The following ABRAXAS2 variants were observed in gnomAD, a reference collection of about 807,000 sequenced individuals.
ABRAXAS2 encodes the protein BRISC complex subunit Abraxas 2.
Under a neutral mutation model 49.0 loss-of-function variants are expected in ABRAXAS2, and 23 were observed. The ratio of observed to expected loss-of-function variants is 0.47; its 90% CI spans 0.34 to 0.66. The LOEUF is 0.66. Ranked by LOEUF, ABRAXAS2 falls within the 30% of genes least tolerant of loss-of-function variation. ABRAXAS2 has a pLI of 0.01. For synonymous variants in ABRAXAS2, 168 were observed against 180.2 expected (o/e 0.93, Z 0.54); for missense variants, 443 against 511.9 (o/e 0.87, Z 1.30).
chr10:124,825,964 T>C (rs1280873562), intron 4 of ABRAXAS2, among the ~76,000 whole-genome samples: 1 of 152,212 alleles, frequency 6.6e-6, no homozygotes, highest in African/African-American at 2.4e-5. Flanking sequence ...GTCTTCCTGA[T>C]GACCAACAAA....
chr10:124,831,848 T>A (rs1950935383), intron 8 of ABRAXAS2, among the ~76,000 whole-genome samples: 2 of 131,056 alleles, frequency 1.5e-5, no homozygotes. Flanking sequence ...CTGTCTTTTT[T>A]TTTTTTTTTT....
chr10:124,835,069 ATACCTTAACTCCC>A lies in ABRAXAS2; in HGVS notation c.*99_*111del. The A allele has an allele frequency of 4.5e-6, 4 of 891,366 alleles. No individual in the cohort carries two copies. The highest frequency in any genetic ancestry group is 6.8e-6 in the Non-Finnish European group (4 of 589,730). The allele number at this position is 891,366 out of a possible 1,614,324, so 55.2% of individuals were successfully genotyped here. On this transcript the variant is annotated 3_prime_UTR_variant, in exon 9 of 9. Transcript: ENST00000298492. ...TCTGGGGGGAGAACTGCTTTCTCAG[ATACCTTAACTCCC>A]GAGAAGAGAGTCCTTGTGCACAGAA... is the stretch of plus-strand genomic sequence containing the variant.
chr10:124,821,436 C>T (rs1329338494), intron 4 of ABRAXAS2, among the ~76,000 whole-genome samples: 5 of 151,934 alleles, frequency 3.3e-5, no homozygotes, highest in East Asian at 3.9e-4. Flanking sequence ...AGTGGTGGCA[C>T]GTGCCTCTTG....
In ABRAXAS2 at chr10:124,819,461, T is replaced by C. The variant is rs1950847250; in HGVS notation, c.267+11T>C. ...AAAGATCGGAGAAAGGTATGTTCTG[T>C]TTGTTGCCCAGTATGATTCTGAAAT... is the stretch of plus-strand genomic sequence containing the variant. On this transcript the variant is annotated intron_variant, in intron 4 of 8. Transcript: ENST00000298492. 3 of 1,612,520 alleles carry C rather than the reference T, an allele frequency of 1.9e-6. No homozygotes were observed. The highest frequency in any genetic ancestry group is 3.3e-5 in the Admixed American group (2 of 60,020).
intron 2 of ABRAXAS2, among the ~76,000 whole-genome samples, chr10:124,808,516 G>A (rs149560461): frequency 2.6e-5 from 4 of 152,204 alleles, no homozygotes; most frequent in African/African-American, 7.2e-5. Context: ...TATGTGAGGC[G>A]TGTGCTGGGC....
chr10:124,828,343 G>A (rs946572606), intron 5 of ABRAXAS2, among the ~76,000 whole-genome samples: 2 of 151,854 alleles, frequency 1.3e-5, no homozygotes, highest in Non-Finnish European at 1.5e-5. Context: ...ATGCCACCAC[G>A]CATGCCCTTT....
At chr10:124,830,002 A>G (rs1449322355) in intron 7 of ABRAXAS2, among the ~76,000 whole-genome samples, 1 of 152,186 alleles carries the variant, frequency 6.6e-6, no homozygotes, top group African/African-American at 2.4e-5. Context: ...ACTTTCCCAC[A>G]TTCTTTTCGT....
intron 4 of ABRAXAS2, among the ~76,000 whole-genome samples, chr10:124,820,118 C>T (rs915354955): frequency 6.6e-5 from 10 of 152,164 alleles, no homozygotes; most frequent in Non-Finnish European, 1.3e-4. Context: ...CGTTGTTTAA[C>T]AGTGTCAGGA....
chr10:124,825,859 C>G (rs571372247), intron 4 of ABRAXAS2, among the ~76,000 whole-genome samples: 49 of 152,278 alleles, frequency 3.2e-4, no homozygotes, highest in African/African-American at 1.1e-3. Context: ...GGTTCTGATT[C>G]TGCAGATTTG....
Position 124,828,888 on chromosome 10 carries a change from G to T in ABRAXAS2, c.578+13G>T, listed in dbSNP as rs770525694. Reference sequence around the variant, plus strand: ...TTAAAGAACATGGGTAAGTTGAAAGGTAAAGTGCTAGTTTTTTCTTTTGTC... The same window carrying T: ...TTAAAGAACATGGGTAAGTTGAAAGTTAAAGTGCTAGTTTTTTCTTTTGTC... On this transcript the variant is annotated intron_variant, in intron 6 of 8. Transcript: ENST00000298492. 2 of 1,610,242 alleles carry T rather than the reference G, an allele frequency of 1.2e-6. No homozygotes were observed. Among genetic ancestry groups the T allele is most frequent in the South Asian group, 2.2e-5 (2 of 90,646 alleles).
intron 2 of ABRAXAS2, among the ~76,000 whole-genome samples, chr10:124,815,526 G>A (rs1001158002): frequency 2.6e-5 from 4 of 152,096 alleles, no homozygotes; most frequent in African/African-American, 9.7e-5. Flanking sequence ...TAAAATTACA[G>A]CCTGGAACTC....
rs139798694 is a variant in ABRAXAS2, at chr10:124,835,798, G to A, written c.*827G>A. On this transcript the variant is annotated 3_prime_UTR_variant, in exon 9 of 9. Coordinates refer to ENST00000298492, the MANE Select transcript of ABRAXAS2 (RefSeq NM_032182.4). ...TTTATAATGAACAGATTCCAGACAC[G>A]GTAGGTTTAGCTGAGTTCATACAGA... is the stretch of plus-strand genomic sequence containing the variant. 1.8e-4 allele frequency: 27 copies of A among 152,300 alleles called. No homozygotes were observed. Among genetic ancestry groups the A allele is most frequent in the African/African-American group, 6.3e-4 (26 of 41,550 alleles). The allele number at this position is 152,300 out of a possible 1,614,324, so 9.4% of individuals were successfully genotyped here.
intron 1 of ABRAXAS2, among the ~76,000 whole-genome samples, chr10:124,804,361 ATTAT>A (rs954250969): frequency 6.6e-6 from 1 of 152,222 alleles, no homozygotes; most frequent in African/African-American, 2.4e-5. Context: ...TTACAAAATA[ATTAT>A]TTGTTATCTG....
chr10:124,817,176 A>G (rs918352377), intron 3 of ABRAXAS2, among the ~76,000 whole-genome samples: 1 of 152,192 alleles, frequency 6.6e-6, no homozygotes, highest in Non-Finnish European at 1.5e-5. Flanking sequence ...CTCACTCTCA[A>G]ACATATTTGA....
At chr10:124,807,360 A>G (rs1487328021) in intron 2 of ABRAXAS2, among the ~76,000 whole-genome samples, 1 of 149,938 alleles carries the variant, frequency 6.7e-6, no homozygotes, top group African/African-American at 2.4e-5. Context: ...TGTAGAAAAA[A>G]ACGAAAATAA....
chr10:124,818,005 C>T (rs1242614243), intron 3 of ABRAXAS2, among the ~76,000 whole-genome samples: 1 of 152,120 alleles, frequency 6.6e-6, no homozygotes, highest in Non-Finnish European at 1.5e-5. Context: ...TCTTGACTGT[C>T]CAAAGCTTCT....
intron 1 of ABRAXAS2, 112 bp downstream of exon 1, chr10:124,802,013 C>G (rs1950708231): frequency 5.7e-6 from 6 of 1,054,640 alleles, no homozygotes; most frequent in African/African-American, 1.7e-5. Flanking sequence ...GCACCAGGGC[C>G]GGCCGGAGGA....
chr10:124,829,019 AC>A, intron 6 of ABRAXAS2, 144 bp downstream of exon 6: 1 of 744,676 alleles, frequency 1.3e-6, no homozygotes. Context: ...TTGTCTAGAT[AC>A]CACCAGCATG....
intron 3 of ABRAXAS2, 134 bp from the exon 4 acceptor site, chr10:124,819,250 T>A: frequency 1.7e-6 from 1 of 590,546 alleles, no homozygotes; most frequent in East Asian, 2.8e-5. Flanking sequence ...CTGATTTCTC[T>A]TTATTCACCT....
Sources: allele counts gnomAD v4.1 joint callset (sites outside exome capture counted in the v4.1 genomes callset), GRCh38; gene constraint gnomAD v4.1.1; transcripts MANE v1.5; gene names NCBI Gene and HGNC (gene_info 2026-07-23, HGNC 2026-07-21).